The following SLCO1B1 variants were observed in gnomAD, a reference collection of about 807,000 sequenced individuals.
SLCO1B1 encodes the protein solute carrier organic anion transporter family member 1B1, also known as OATP-2.
In SLCO1B1, 81 loss-of-function variants were observed where a neutral mutation model predicts 70.1. The observed-to-expected ratio is 1.16, with a 90% CI of 0.97 to 1.39. The LOEUF is 1.39. Ranked by LOEUF, SLCO1B1 falls within the 40% of genes most tolerant of loss-of-function variation. The pLI, the probability that SLCO1B1 is intolerant of heterozygous loss-of-function variation, is 0.00. For missense variants in SLCO1B1, 895 were observed against 799.6 expected (o/e 1.12, Z -1.44); for synonymous variants, 283 against 271.5 (o/e 1.04, Z -0.42).
chr12:21,227,820 C>G (rs181712927), intron 14 of SLCO1B1, among the ~76,000 whole-genome samples: 1 of 152,016 alleles, frequency 6.6e-6, no homozygotes, highest in Admixed American at 6.5e-5. Flanking sequence ...ATTTTTTAAG[C>G]CATACTAGTT....
intron 8 of SLCO1B1, among the ~76,000 whole-genome samples, chr12:21,197,588 A>C (rs1941108761): frequency 1.3e-5 from 2 of 152,044 alleles, no homozygotes; most frequent in South Asian, 4.1e-4. Flanking sequence ...CATTACCTCT[A>C]TTTTTCAAGA....
At chr12:21,137,607 G>A (rs953601198) in intron 1 of SLCO1B1, among the ~76,000 whole-genome samples, 6 of 152,138 alleles carry the variant, frequency 3.9e-5, no homozygotes, top group African/African-American at 1.4e-4. Flanking sequence ...TGCAATGAGC[G>A]AGACTCTGTG....
intron 7 of SLCO1B1, among the ~76,000 whole-genome samples, chr12:21,186,065 A>G (rs558225361): frequency 6.6e-6 from 1 of 152,126 alleles, no homozygotes; most frequent in Admixed American, 6.6e-5. Flanking sequence ...AAACCTACTG[A>G]CCAAAAAAAA....
intron 1 of SLCO1B1, among the ~76,000 whole-genome samples, chr12:21,135,796 A>T (rs1470717601): frequency 6.6e-6 from 1 of 152,156 alleles, no homozygotes; most frequent in Non-Finnish European, 1.5e-5. Context: ...CCAATTTGCC[A>T]GTCTGTGTCT....
chr12:21,191,085 C>T (rs969000206), intron 7 of SLCO1B1, among the ~76,000 whole-genome samples: 1 of 151,924 alleles, frequency 6.6e-6, no homozygotes, highest in Non-Finnish European at 1.5e-5. Flanking sequence ...TATGAGGCAG[C>T]TTTATTCTTT....
chr12:21,182,781 T>C (rs1416546454), intron 7 of SLCO1B1, among the ~76,000 whole-genome samples: 1 of 149,598 alleles, frequency 6.7e-6, no homozygotes, highest in Non-Finnish European at 1.5e-5. Context: ...TGAGCTGAGA[T>C]TGGTGCCCAG....
At position 21,231,559 on chromosome 12, in the gene SLCO1B1, T is replaced by A. The variant is rs369724842; in HGVS notation, c.1865+6720T>A. ...AGACTGAGGAAATAATTCACTCAAG[T>A]GAGAAAAATAAATAAATAAAAACTT... is the stretch of plus-strand genomic sequence containing the variant. On this transcript the variant is annotated intron_variant, in intron 14 of 14. Transcript: ENST00000256958. Among the ~76,000 whole-genome samples the A allele has an allele frequency of 1.3e-3, 193 of 150,584 alleles. 3 individuals are homozygous for A. In the South Asian group the frequency reaches 0.039, roughly 31 times the overall value.
rs1591823740 is a variant in SLCO1B1 at position 21,214,660 on chromosome 12, G to A, written c.1498-2459G>A. On this transcript the variant is annotated intron_variant, in intron 11 of 14. Transcript: ENST00000256958. ...GGCAATGGCGGGCGCCCCTCCCCCA[G>A]CCTCGCTGCCGCCTTGCAGTTTGAT... Among the ~76,000 whole-genome samples, 5 of 151,048 alleles carry A rather than the reference G, an allele frequency of 3.3e-5. No individual in the cohort carries two copies. The East Asian group carries it at 9.9e-4, about 30-fold the overall frequency.
At chr12:21,204,915 T>G (rs1160846185) in intron 10 of SLCO1B1, among the ~76,000 whole-genome samples, 1 of 151,808 alleles carries the variant, frequency 6.6e-6, no homozygotes, top group Non-Finnish European at 1.5e-5. Context: ...CTTCATAAAG[T>G]CTTCATATAC....
chr12:21,214,373 C>T (rs1941329871), intron 11 of SLCO1B1, among the ~76,000 whole-genome samples: 1 of 150,034 alleles, frequency 6.7e-6, no homozygotes, highest in South Asian at 2.1e-4. Flanking sequence ...TTAGGCTGCT[C>T]AGGGGTCAGG....
chr12:21,194,521 T>A (rs1941070001), intron 7 of SLCO1B1, among the ~76,000 whole-genome samples: 1 of 152,144 alleles, frequency 6.6e-6, no homozygotes, highest in South Asian at 2.1e-4. Context: ...TTTGAGACCT[T>A]TTCAGCATGA....
intron 10 of SLCO1B1, among the ~76,000 whole-genome samples, chr12:21,203,244 T>TGCA (rs1941178177): frequency 1.3e-5 from 2 of 152,082 alleles, no homozygotes; most frequent in African/African-American, 4.8e-5. Flanking sequence ...TTTCTGATAT[T>TGCA]ATCTACATTG....
intron 7 of SLCO1B1, among the ~76,000 whole-genome samples, chr12:21,181,866 C>T (rs910063939): frequency 6.6e-6 from 1 of 151,742 alleles, no homozygotes; most frequent in Non-Finnish European, 1.5e-5. Context: ...GTAAAGGAAA[C>T]CCTAAGAAAA....
chr12:21,180,448 TA>T (rs1940881926), intron 7 of SLCO1B1, among the ~76,000 whole-genome samples: 3 of 152,218 alleles, frequency 2.0e-5, no homozygotes, highest in South Asian at 4.1e-4. Flanking sequence ...GAGCTATTAA[TA>T]TTTGTGTGCT....
intron 2 of SLCO1B1, among the ~76,000 whole-genome samples, chr12:21,158,969 A>G (rs1176030016): frequency 2.6e-5 from 4 of 152,168 alleles, no homozygotes; most frequent in Non-Finnish European, 5.9e-5. Context: ...TTTTACAACA[A>G]TGTACATATA....
intron 1 of SLCO1B1, among the ~76,000 whole-genome samples, chr12:21,136,474 GA>G (rs1940223126): frequency 6.6e-6 from 1 of 152,112 alleles, no homozygotes; most frequent in African/African-American, 2.4e-5. Flanking sequence ...ACACCAATCA[GA>G]CGTAGATTTG....
intron 8 of SLCO1B1, 55 bp from the exon 9 acceptor site, chr12:21,200,453 T>G: frequency 8.4e-7 from 1 of 1,186,280 alleles, no homozygotes; most frequent in South Asian, 1.6e-5. Context: ...ATTTTAGATA[T>G]AAATGTATAT....
chr12:21,154,152 C>G (rs1281320878), intron 2 of SLCO1B1, among the ~76,000 whole-genome samples: 1 of 152,010 alleles, frequency 6.6e-6, no homozygotes, highest in Non-Finnish European at 1.5e-5. Context: ...GCCTATCTCT[C>G]TCATAACAAG....
chr12:21,220,906 C>T (rs919646500), intron 12 of SLCO1B1, among the ~76,000 whole-genome samples: 5 of 151,674 alleles, frequency 3.3e-5, no homozygotes, highest in Non-Finnish European at 5.9e-5. Flanking sequence ...AAATCAAATC[C>T]GATGGCACAT....
Sources: allele counts gnomAD v4.1 joint callset (sites outside exome capture counted in the v4.1 genomes callset), GRCh38; gene constraint gnomAD v4.1.1; transcripts MANE v1.5; gene names NCBI Gene and HGNC (gene_info 2026-07-23, HGNC 2026-07-21).